CADM1: variants seen among roughly 807,000 people sequenced by gnomAD.
CADM1 encodes cell adhesion molecule 1.
In CADM1, 15 loss-of-function variants were observed where a neutral mutation model predicts 53.1. That is an observed-to-expected ratio of 0.28 (90% CI 0.19 to 0.44). The LOEUF is 0.44. Among genes scored for constraint, CADM1 ranks in the 20% least tolerant of loss-of-function variants. The pLI is 1.00. For synonymous variants in CADM1, 281 were observed against 243.0 expected, an observed-to-expected ratio of 1.16 and a Z score of -1.45; for missense variants, 434 against 611.3, an observed-to-expected ratio of 0.71 and a Z score of 3.06.
intron 1 of CADM1, among the ~76,000 whole-genome samples, chr11:115,484,229 C>T (rs148412157): frequency 6.6e-5 from 10 of 152,332 alleles, no homozygotes; most frequent in African/African-American, 2.2e-4. Context: ...AGGAACCATG[C>T]ACAGTCTTTC....
chr11:115,388,307 C>T (rs182647962), intron 1 of CADM1, among the ~76,000 whole-genome samples: 46 of 152,086 alleles, frequency 3.0e-4, no homozygotes, highest in African/African-American at 1.1e-3. Context: ...TAGGAGAATG[C>T]TAACTACTGA....
At chr11:115,428,216 G>T (rs150666346) in intron 1 of CADM1, among the ~76,000 whole-genome samples, 2 of 151,904 alleles carry the variant, frequency 1.3e-5, no homozygotes, top group Admixed American at 1.3e-4. Context: ...TCTTATATAG[G>T]TTTAAAATAT....
rs71066424 is a variant in CADM1 at position 115,413,644 on chromosome 11, C to CTTT, written c.124+90624_124+90626dup. ...CAGGGAGTGTGGCTCCAGCTCAGTT[C>CTTT]TTTTTTTTTTTTTTCTCTGAGACAG... On this transcript the variant is annotated intron_variant, in intron 1 of 11. Transcript: ENST00000331581. Among the ~76,000 whole-genome samples the CTTT allele has an allele frequency of 1.3e-4, 16 of 120,916 alleles. 3 individuals are homozygous for CTTT. The highest frequency in any genetic ancestry group is 2.6e-4 in the African/African-American group (9 of 33,964). 79.3% of individuals were successfully genotyped at this position (120,916 alleles called of 152,430 possible).
chr11:115,404,778 A>G (rs1947270654), intron 1 of CADM1, among the ~76,000 whole-genome samples: 1 of 148,352 alleles, frequency 6.7e-6, no homozygotes, highest in Non-Finnish European at 1.5e-5. Flanking sequence ...GGATCACTTG[A>G]GCCCCCGAGG....
chr11:115,422,366 A>G (rs1173626899), intron 1 of CADM1, among the ~76,000 whole-genome samples: 1 of 152,232 alleles, frequency 6.6e-6, no homozygotes, highest in Non-Finnish European at 1.5e-5. Context: ...GCTCTCAAAC[A>G]TCTGATTAAA....
chr11:115,466,573 A>C (rs1948902758), intron 1 of CADM1, among the ~76,000 whole-genome samples: 1 of 152,232 alleles, frequency 6.6e-6, no homozygotes. Context: ...TCAAATGTTT[A>C]GCACGTGTCT....
rs141150260 is a variant in CADM1 at position 115,205,449 on chromosome 11, T to C, written c.1078+4125A>G. Among the ~76,000 whole-genome samples, 1,189 of 152,246 alleles carry C rather than the reference T, an allele frequency of 7.8e-3. 14 individuals are homozygous for C. The highest frequency in any genetic ancestry group is 0.026 in the African/African-American group (1,095 of 41,556). ...ACAAGACAGAACAAACACTCCCTAC[T>C]CACTCACACTCCCCCACCTCCTCCC... On this transcript the variant is annotated intron_variant, in intron 8 of 11. Transcript: ENST00000331581.
chr11:115,462,251 C>T (rs1200926510), intron 1 of CADM1, among the ~76,000 whole-genome samples: 2 of 152,166 alleles, frequency 1.3e-5, no homozygotes, highest in Non-Finnish European at 2.9e-5. Context: ...GCAATTAAAT[C>T]GTGATCTATT....
intron 3 of CADM1, among the ~76,000 whole-genome samples, chr11:115,231,765 T>A (rs1400915541): frequency 6.6e-6 from 1 of 152,058 alleles, no homozygotes; most frequent in Non-Finnish European, 1.5e-5. Flanking sequence ...GGCGGGCAGA[T>A]TACCTGAGGT....
intron 1 of CADM1, among the ~76,000 whole-genome samples, chr11:115,436,626 T>C (rs1948189701): frequency 6.6e-6 from 1 of 152,204 alleles, no homozygotes; most frequent in African/African-American, 2.4e-5. Context: ...CTCCCATGAT[T>C]TGGCAATTTA....
intron 1 of CADM1, among the ~76,000 whole-genome samples, chr11:115,485,782 T>C (rs1260026168): frequency 6.6e-6 from 1 of 152,216 alleles, no homozygotes; most frequent in East Asian, 1.9e-4. Context: ...ACCAGCAGTG[T>C]GAGAACGCTA....
At chr11:115,264,256 C>T (rs1278642903) in intron 1 of CADM1, among the ~76,000 whole-genome samples, 7 of 152,112 alleles carry the variant, frequency 4.6e-5, no homozygotes, top group African/African-American at 7.2e-5. Context: ...AAAATACAAA[C>T]GGAACTTCCT....
At chr11:115,224,106 C>T (rs1285346444) in intron 5 of CADM1, among the ~76,000 whole-genome samples, 1 of 151,982 alleles carries the variant, frequency 6.6e-6, no homozygotes. Flanking sequence ...ATAGAAGCTG[C>T]TCTTGGGAAC....
At chr11:115,176,704 G>A in intron 11 of CADM1, 112 bp from the exon 12 acceptor site, 3 of 901,962 alleles carry the variant, frequency 3.3e-6, no homozygotes, top group South Asian at 1.3e-5. Context: ...TGTGCAGGCA[G>A]CAGAGGGGAA....
At chr11:115,242,110 A>G (rs1352650281) in intron 1 of CADM1, among the ~76,000 whole-genome samples, 1 of 152,024 alleles carries the variant, frequency 6.6e-6, no homozygotes, top group Non-Finnish European at 1.5e-5. Flanking sequence ...GATAAGGAAA[A>G]AAAATTATTA....
At chr11:115,203,398 C>G (rs965971952) in intron 8 of CADM1, among the ~76,000 whole-genome samples, 1 of 152,010 alleles carries the variant, frequency 6.6e-6, no homozygotes, top group Non-Finnish European at 1.5e-5. Context: ...GATGTTGCCA[C>G]GAGGGTAGTG....
intron 11 of CADM1, among the ~76,000 whole-genome samples, 161 bp downstream of exon 11, chr11:115,178,483 G>GTTT (rs375004893): frequency 1.5e-5 from 2 of 133,798 alleles, no homozygotes; most frequent in Non-Finnish European, 3.3e-5. Context: ...TTCTGGTTTT[G>GTTT]TTTTTTTTTT....
chr11:115,320,247 G>C (rs1009387430), intron 1 of CADM1, among the ~76,000 whole-genome samples: 9 of 151,992 alleles, frequency 5.9e-5, no homozygotes, highest in Non-Finnish European at 2.9e-5. Flanking sequence ...ATTTTTTATA[G>C]AGACGAGGTC....
At chr11:115,400,565 TATATATATATATA>T (rs1372240765) in intron 1 of CADM1, among the ~76,000 whole-genome samples, 3 of 143,228 alleles carry the variant, frequency 2.1e-5, no homozygotes, top group Non-Finnish European at 4.5e-5. Context: ...GGTGGTGATA[TATATATATATATA>T]ATATATATAT....
Sources: allele counts gnomAD v4.1 joint callset (sites outside exome capture counted in the v4.1 genomes callset), GRCh38; gene constraint gnomAD v4.1.1; transcripts MANE v1.5; gene names NCBI Gene and HGNC (gene_info 2026-07-23, HGNC 2026-07-21).